The following AOAH variants were observed in gnomAD, a reference collection of about 807,000 sequenced individuals.
The protein encoded by AOAH is acyloxyacyl hydrolase (neutrophil).
A neutral mutation model predicts 92.2 loss-of-function variants in AOAH; 64 were observed. The observed-to-expected ratio is 0.69, with a 90% confidence interval of 0.57 to 0.86. The LOEUF is 0.86. AOAH is among the 40% of genes least tolerant of loss of function. AOAH has a pLI of 0.00. For synonymous variants in AOAH, 263 were observed against 254.5 expected (o/e 1.03, Z -0.32); for missense variants, 656 against 694.6 (o/e 0.94, Z 0.62).
At chr7:36,622,015 G>A (rs115991852) in intron 7 of AOAH, among the ~76,000 whole-genome samples, 2,938 of 152,216 alleles carry the variant, frequency 0.019, 86 homozygotes, top group African/African-American at 0.067. Context: ...GTGCATGTGT[G>A]TGCATATGTG....
At chr7:36,602,645 C>T (rs1190923893) in intron 11 of AOAH, among the ~76,000 whole-genome samples, 4 of 152,002 alleles carry the variant, frequency 2.6e-5, no homozygotes. Context: ...AAGAGGTACA[C>T]GTCCTCAAAG....
chr7:36,513,439 C>T, intron 20 of AOAH, 59 bp from the exon 21 acceptor site: 1 of 1,554,364 alleles, frequency 6.4e-7, no homozygotes, highest in Non-Finnish European at 8.8e-7. Flanking sequence ...CACTTACCAA[C>T]AAGATTTCCC....
chr7:36,515,007 C>A (rs1300656089), intron 20 of AOAH, among the ~76,000 whole-genome samples: 1 of 151,844 alleles, frequency 6.6e-6, no homozygotes, highest in Non-Finnish European at 1.5e-5. Flanking sequence ...TTCACTCATC[C>A]CGCTGCGTAA....
chr7:36,719,522 G>A (rs975046482), intron 1 of AOAH, among the ~76,000 whole-genome samples: 10 of 152,190 alleles, frequency 6.6e-5, no homozygotes, highest in Non-Finnish European at 1.3e-4. Context: ...TGTTGGGAAG[G>A]TGATATAAAT....
At chr7:36,610,472 A>G (rs1301449736) in intron 11 of AOAH, among the ~76,000 whole-genome samples, 1 of 150,712 alleles carries the variant, frequency 6.6e-6, no homozygotes, top group Non-Finnish European at 1.5e-5. Flanking sequence ...ACTTCTTAAA[A>G]TTAGCTCTAT....
chr7:36,724,168 A>C lies in AOAH; in HGVS notation c.-20T>G, dbSNP rs754346699. On this transcript the variant is annotated 5_prime_UTR_variant, in exon 1 of 21. Transcript: ENST00000617537. ...CTGCATCTCCGAGCTATGCACCCCA[A>C]GTGATCACCCGGCTTTGGAAGCTCC... 4.3e-6 allele frequency: 7 copies of C among 1,610,902 alleles called. No homozygotes were observed. In the East Asian group the frequency reaches 1.6e-4, roughly 36 times the overall value.
chr7:36,659,296 T>C (rs749767053), intron 3 of AOAH, 31 bp from the exon 4 acceptor site: 16 of 1,544,966 alleles, frequency 1.0e-5, no homozygotes, highest in Non-Finnish European at 1.4e-5. Context: ...ACAAAGGCTA[T>C]TCAGATCTCT....
At position 36,637,761 on chromosome 7, in the gene AOAH, G is replaced by T. The variant is rs550551844; in HGVS notation, c.450+90C>A. ...GGCATGTTGCAGGCTTATATCCGGA[G>T]TAGTCCTTGCCTTTGGGATGTGAAA... On this transcript the variant is annotated intron_variant, in intron 5 of 20. Coordinates refer to ENST00000617537, the MANE Select transcript of AOAH (RefSeq NM_001637.4). The T allele has an allele frequency of 1.8e-5, 21 of 1,173,786 alleles. No homozygotes were observed. In the African/African-American group the frequency reaches 1.8e-4, roughly 10 times the overall value. The allele number at this position is 1,173,786 out of a possible 1,614,324, so 72.7% of individuals were successfully genotyped here.
At chr7:36,567,043 C>A (rs1051670980) in intron 13 of AOAH, among the ~76,000 whole-genome samples, 6 of 152,152 alleles carry the variant, frequency 3.9e-5, no homozygotes, top group Non-Finnish European at 7.3e-5. Context: ...AACTCCTGAT[C>A]TCAAGTGATG....
intron 13 of AOAH, among the ~76,000 whole-genome samples, chr7:36,556,157 G>C (rs902253655): frequency 5.0e-4 from 76 of 152,182 alleles, no homozygotes; most frequent in African/African-American, 1.7e-3. Flanking sequence ...TGCTTTTAAT[G>C]TGTCCCAGAG....
In AOAH at chr7:36,720,305, G is replaced by A. The variant is rs762535156; in HGVS notation, c.127+3717C>T. ...GCTGGGACTACAGGCATGCCCCACC[G>A]TGTCCTGCTAATTTTTGTATATCTA... On this transcript the variant is annotated intron_variant, in intron 1 of 20. Transcript: ENST00000617537. Among the ~76,000 whole-genome samples the A allele has an allele frequency of 2.7e-5, 4 of 150,770 alleles. No homozygotes were observed. The East Asian group carries it at 5.9e-4, about 22-fold the overall frequency.
chr7:36,514,216 T>C (rs1298785690), intron 20 of AOAH, among the ~76,000 whole-genome samples: 2 of 151,354 alleles, frequency 1.3e-5, no homozygotes, highest in Non-Finnish European at 2.9e-5. Context: ...TTTCTAGGAG[T>C]TCCCTAGATG....
chr7:36,608,797 C>T (rs1452788210), intron 11 of AOAH, among the ~76,000 whole-genome samples: 1 of 151,600 alleles, frequency 6.6e-6, no homozygotes, highest in Non-Finnish European at 1.5e-5. Flanking sequence ...AGGTTAATGC[C>T]TGTTGTCATG....
rs549347756 is a variant in AOAH at position 36,547,911 on chromosome 7, G to A, written c.1133+701C>T. Among the ~76,000 whole-genome samples, 33 of 152,254 alleles carry A rather than the reference G, an allele frequency of 2.2e-4. No individual in the cohort carries two copies. The Middle Eastern group carries it at 0.01, about 47-fold the overall frequency. ...CTTTGCAAATGCTGTAGGTCTGTGCGTCTAAGCTGTCTCTTCCACATGAGG... is the reference window on the plus strand; with the variant it reads ...CTTTGCAAATGCTGTAGGTCTGTGCATCTAAGCTGTCTCTTCCACATGAGG... On this transcript the variant is annotated intron_variant, in intron 15 of 20. Coordinates refer to ENST00000617537, the MANE Select transcript of AOAH (RefSeq NM_001637.4).
chr7:36,722,734 A>G (rs777742925), intron 1 of AOAH, among the ~76,000 whole-genome samples: 4 of 151,910 alleles, frequency 2.6e-5, no homozygotes, highest in Non-Finnish European at 5.9e-5. Context: ...GGAGTTCGAG[A>G]CCAGTGTGGC....
chr7:36,632,205 C>T (rs1225959222), intron 5 of AOAH, 99 bp from the exon 6 acceptor site: 1 of 975,170 alleles, frequency 1.0e-6, no homozygotes, highest in Non-Finnish European at 1.5e-6. Context: ...CTGGATCCTC[C>T]TTCCTCTAGA....
In AOAH at chr7:36,706,639, G is replaced by A. The variant is rs554552978; in HGVS notation, c.127+17383C>T. 7.2e-5 allele frequency among the ~76,000 whole-genome samples: 11 copies of A among 152,218 alleles called. No individual in the cohort carries two copies. In the South Asian group the frequency reaches 2.1e-3, roughly 29 times the overall value. On this transcript the variant is annotated intron_variant, in intron 1 of 20. Transcript: ENST00000617537. Reference sequence around the variant, plus strand: ...GTCATATAGATGACATCTTCTAATAGAAGGCTATTTTGTCTACATCAACAA... The same window carrying A: ...GTCATATAGATGACATCTTCTAATAAAAGGCTATTTTGTCTACATCAACAA...
At chr7:36,517,156 G>GTCTTCCTTTCTTTCTT (rs1554360835) in intron 20 of AOAH, among the ~76,000 whole-genome samples, 2 of 95,432 alleles carry the variant, frequency 2.1e-5, no homozygotes. Flanking sequence ...ATCCATGTTA[G>GTCTTCCTTTCTTTCTT]TCTTTCTTTC....
intron 4 of AOAH, among the ~76,000 whole-genome samples, chr7:36,653,795 G>T (rs879513082): frequency 4.6e-5 from 7 of 152,170 alleles, no homozygotes; most frequent in African/African-American, 1.2e-4. Context: ...GGTAAATGCA[G>T]CATGTTCCTC....
Sources: gnomAD v4.1 joint callset for allele counts (sites outside exome capture counted in the v4.1 genomes callset) on GRCh38, gnomAD v4.1.1 for gene constraint, MANE v1.5 for transcripts, NCBI Gene and HGNC (gene_info 2026-07-23, HGNC 2026-07-21) for gene names.